The following CALM2 variants were observed in gnomAD, a reference collection of about 807,000 sequenced individuals.
CALM2 encodes calmodulin 2.
CALM2 carries 2 observed loss-of-function variants against 19.8 expected under a neutral mutation model. The ratio of observed to expected loss-of-function variants is 0.10; its 90% confidence interval spans 0.04 to 0.32. The LOEUF (loss-of-function observed/expected upper bound fraction) is 0.32, where lower values mean the gene tolerates loss of function less well. CALM2 is among the 10% of genes least tolerant of loss of function. CALM2 has a pLI of 1.00. For missense variants in CALM2, 38 were observed against 178.7 expected (o/e 0.21, Z 4.49); for synonymous variants, 51 against 52.1 (o/e 0.98, Z 0.09).
chr2:47,175,225 C>G (rs1206812352), intron 1 of CALM2, among the ~76,000 whole-genome samples: 2 of 151,868 alleles, frequency 1.3e-5, no homozygotes, highest in African/African-American at 4.8e-5. Context: ...ACGAAGTGTA[C>G]GTCAAGACGA....
intron 2 of CALM2, chr2:47,163,765 T>C (rs1445783519): frequency 1.3e-5 from 2 of 152,094 alleles, no homozygotes; most frequent in South Asian, 2.1e-4. Context: ...CTAGATTACA[T>C]GGAAACCTCC....
At chr2:47,176,906 T>C (rs1573237085), upstream of CALM2, 2 of 985,382 alleles carry the variant, frequency 2.0e-6, no homozygotes, top group Non-Finnish European at 1.2e-6. Context: ...GCTTCTGCCG[T>C]TGCTGCTCGG....
chr2:47,166,026 T>G (rs906657449), intron 2 of CALM2, among the ~76,000 whole-genome samples: 1 of 152,218 alleles, frequency 6.6e-6, no homozygotes, highest in African/African-American at 2.4e-5. Context: ...TACTGGTTTA[T>G]AGAGGAACTC....
chr2:47,162,774 C>T, intron 2 of CALM2, 112 bp from the exon 3 acceptor site: 1 of 870,380 alleles, frequency 1.1e-6, no homozygotes. Context: ...TGCCAGTGAA[C>T]AGCCACTGCA....
chr2:47,176,469 A>T lies in CALM2; in HGVS notation c.-26T>A. 1 of 1,613,668 alleles carries T rather than the reference A, an allele frequency of 6.2e-7. No individual in the cohort carries two copies. Among genetic ancestry groups the T allele is most frequent in the Non-Finnish European group, 8.5e-7 (1 of 1,179,942 alleles). On this transcript the variant is annotated 5_prime_UTR_variant, in exon 1 of 6. Transcript: ENST00000272298. ...GCTGCAAGCGCTACCGGTTTCCGAG[A>T]CGCGACCACACAACCACTCAGCTCG...
rs534022809 is a variant in CALM2 at position 47,172,392 on chromosome 2, G to A, written c.4-1628C>T. On this transcript the variant is annotated intron_variant, in intron 1 of 5. Coordinates refer to ENST00000272298, the MANE Select transcript of CALM2 (RefSeq NM_001743.6). ...CTCCTCTCAGTCAACTTCATTTGTA[G>A]CACAAGAATAACAATACTTACCTTG... 30 of 597,238 alleles carry A rather than the reference G, an allele frequency of 5.0e-5. 2 individuals carry two copies. The Admixed American group carries it at 6.7e-4, about 13-fold the overall frequency. 37.0% of individuals were successfully genotyped at this position (597,238 alleles called of 1,614,324 possible).
chr2:47,171,377 A>G (rs147988662), intron 1 of CALM2: 1 of 152,616 alleles, frequency 6.6e-6, no homozygotes, highest in African/African-American at 2.4e-5. Context: ...TCTTCAGAAA[A>G]TATTTTCTGC....
At chr2:47,174,799 C>T (rs1666792755) in intron 1 of CALM2, among the ~76,000 whole-genome samples, 1 of 152,052 alleles carries the variant, frequency 6.6e-6, no homozygotes, top group Admixed American at 6.5e-5. Flanking sequence ...TTACATATGC[C>T]TGTAACTACA....
chr2:47,161,974 G>A, intron 4 of CALM2, 116 bp from the exon 5 acceptor site: 1 of 844,396 alleles, frequency 1.2e-6, no homozygotes, highest in Non-Finnish European at 1.9e-6. Flanking sequence ...CTTTAGAAAT[G>A]CATACAAATC....
At chr2:47,162,722 T>G (rs1361662925) in intron 2 of CALM2, 60 bp from the exon 3 acceptor site, 43 of 1,368,178 alleles carry the variant, frequency 3.1e-5, no homozygotes, top group Non-Finnish European at 4.1e-5. Flanking sequence ...GTAACCTAAA[T>G]GAAACGTATT....
chr2:47,169,810 G>A (rs1666608439), intron 2 of CALM2, among the ~76,000 whole-genome samples: 1 of 151,980 alleles, frequency 6.6e-6, no homozygotes, highest in Admixed American at 6.6e-5. Context: ...GTTTTCTCCA[G>A]CCTAAGAAAA....
At position 47,160,349 on chromosome 2, in the gene CALM2, T is replaced by C. The variant is rs1270985479; in HGVS notation, c.*427A>G. 1 of 155,402 alleles carries C rather than the reference T, an allele frequency of 6.4e-6. No individual in the cohort carries two copies. Among genetic ancestry groups the C allele is most frequent in the Non-Finnish European group, 1.4e-5 (1 of 70,024 alleles). The allele number at this position is 155,402 out of a possible 1,614,324, so 9.6% of individuals were successfully genotyped here. A position where few individuals can be genotyped will look rare whatever the true frequency, so the allele number is the denominator to read the frequency against. ...AAATAGTGTACGAGTACCTGGATAA[T>C]ACACCCGTTTTGCAATAGTGCAACT... On this transcript the variant is annotated 3_prime_UTR_variant, in exon 6 of 6. Coordinates refer to ENST00000272298, the MANE Select transcript of CALM2 (RefSeq NM_001743.6).
In CALM2 at chr2:47,161,876, A is replaced by G; in HGVS notation, c.286-18T>C. ...TTGCCATCCTAGCAAAAAATTTAGT[A>G]TAGTTTCTGAGTCAAATTACAGACT... On this transcript the variant is annotated intron_variant, in intron 4 of 5. Coordinates refer to ENST00000272298, the MANE Select transcript of CALM2 (RefSeq NM_001743.6). 6.3e-7 allele frequency: 1 copy of G among 1,597,546 alleles called. No individual in the cohort carries two copies. Among genetic ancestry groups the G allele is most frequent in the East Asian group, 2.2e-5 (1 of 44,494 alleles).
chr2:47,176,904 C>G (rs533944934), upstream of CALM2: 36 of 985,396 alleles, frequency 3.7e-5, no homozygotes, highest in Middle Eastern at 1.0e-3. Context: ...CGGCTTCTGC[C>G]GTTGCTGCTC....
chr2:47,169,889 T>G (rs541538030), intron 2 of CALM2, among the ~76,000 whole-genome samples: 1 of 151,288 alleles, frequency 6.6e-6, no homozygotes. Flanking sequence ...GCAAATAAAC[T>G]GCTTGGTGCT....
intron 2 of CALM2, among the ~76,000 whole-genome samples, chr2:47,165,497 C>G (rs1298500260): frequency 1.3e-5 from 2 of 152,170 alleles, no homozygotes; most frequent in Non-Finnish European, 2.9e-5. Flanking sequence ...TAAAGACTAT[C>G]TCATTTTTTT....
At chr2:47,163,295 A>C (rs1687213177) in intron 2 of CALM2, 2 of 152,342 alleles carry the variant, frequency 1.3e-5, no homozygotes, top group Non-Finnish European at 2.9e-5. Context: ...TCAAGATATA[A>C]ATGTCCAGTT....
rs915677379 is a variant in CALM2 at position 47,161,606 on chromosome 2, CTG to C, written c.421+115_421+116del. 4 of 862,112 alleles carry C rather than the reference CTG, an allele frequency of 4.6e-6. No homozygotes were observed. In the African/African-American group the frequency reaches 7.5e-5, roughly 16 times the overall value. The allele number at this position is 862,112 out of a possible 1,614,324, so 53.4% of individuals were successfully genotyped here. ...TTTTAAGAAGGTTAAATGTAAGTAA[CTG>C]TTTTAGCAACCTAATTTCAGGGGAA... On this transcript the variant is annotated intron_variant, in intron 5 of 5. Transcript: ENST00000272298.
intron 4 of CALM2, 45 bp downstream of exon 4, chr2:47,162,241 C>A: frequency 1.2e-6 from 1 of 802,394 alleles, no homozygotes; most frequent in Non-Finnish European, 1.9e-6. Context: ...GTCCTGGTAT[C>A]TTCATTTCAT....
Sources: allele counts gnomAD v4.1 joint callset (sites outside exome capture counted in the v4.1 genomes callset), GRCh38; gene constraint gnomAD v4.1.1; transcripts MANE v1.5; gene names NCBI Gene and HGNC (gene_info 2026-07-23, HGNC 2026-07-21).